Variants in AGBL4 observed in about 807,000 individuals in gnomAD.
AGBL4 encodes cytosolic carboxypeptidase 6.
A neutral mutation model predicts 66.4 loss-of-function variants in AGBL4; 58 were observed. The observed-to-expected ratio is 0.87, with a 90% CI of 0.71 to 1.09. AGBL4 has a LOEUF of 1.09. Ranked by LOEUF, AGBL4 falls within the 50% of genes least tolerant of loss-of-function variation. The pLI is 0.00. For synonymous variants in AGBL4, 234 were observed against 222.9 expected (o/e 1.05, Z -0.44); for missense variants, 579 against 631.0 (o/e 0.92, Z 0.88).
At chr1:49,484,476 T>A (rs1647022129) in intron 3 of AGBL4, among the ~76,000 whole-genome samples, 1 of 151,976 alleles carries the variant, frequency 6.6e-6, no homozygotes, top group Admixed American at 6.6e-5. Flanking sequence ...GAGATCATTA[T>A]GTTAAGTGAA....
intron 3 of AGBL4, among the ~76,000 whole-genome samples, chr1:49,282,664 G>T (rs527314643): frequency 6.6e-6 from 1 of 152,186 alleles, no homozygotes; most frequent in African/African-American, 2.4e-5. Context: ...GTAGGTGCTC[G>T]CACCGTGCGC....
At chr1:49,437,168 C>T (rs142303477) in intron 3 of AGBL4, among the ~76,000 whole-genome samples, 1 of 152,214 alleles carries the variant, frequency 6.6e-6, no homozygotes, top group African/African-American at 2.4e-5. Context: ...ATCTACCCTG[C>T]TTTTTTCCAT....
intron 5 of AGBL4, among the ~76,000 whole-genome samples, chr1:49,036,724 ATTTTT>A (rs35463441): frequency 4.3e-5 from 6 of 139,368 alleles, no homozygotes; most frequent in Non-Finnish European, 6.2e-5. Flanking sequence ...TGCTCAGCTA[ATTTTT>A]TTTTTTTTTT....
chr1:49,271,269 C>T (rs546878504), intron 3 of AGBL4, among the ~76,000 whole-genome samples: 1 of 152,168 alleles, frequency 6.6e-6, no homozygotes, highest in South Asian at 2.1e-4. Context: ...GAAGCTGAGA[C>T]CCCAGAAAAT....
At chr1:49,610,368 G>A (rs1331367418) in intron 3 of AGBL4, among the ~76,000 whole-genome samples, 1 of 152,110 alleles carries the variant, frequency 6.6e-6, no homozygotes, top group Non-Finnish European at 1.5e-5. Flanking sequence ...CTCAAACGTA[G>A]ACTTTTCAGA....
At chr1:49,926,767 T>TC (rs908353916) in intron 1 of AGBL4, among the ~76,000 whole-genome samples, 24 of 152,138 alleles carry the variant, frequency 1.6e-4, no homozygotes, top group Non-Finnish European at 7.4e-5. Context: ...GAAGAATGCA[T>TC]CTGGGTCTCT....
intron 3 of AGBL4, among the ~76,000 whole-genome samples, chr1:49,590,622 C>T (rs1385709265): frequency 6.6e-6 from 1 of 151,924 alleles, no homozygotes; most frequent in Non-Finnish European, 1.5e-5. Flanking sequence ...AAAATGAATA[C>T]ATAGAAAAAT....
intron 6 of AGBL4, among the ~76,000 whole-genome samples, chr1:48,768,524 G>A (rs1352871213): frequency 6.6e-6 from 1 of 152,132 alleles, no homozygotes; most frequent in Non-Finnish European, 1.5e-5. Context: ...ATAGGCAAAT[G>A]GTGTTTTAGA....
chr1:49,900,518 T>A (rs1557561728), intron 1 of AGBL4, among the ~76,000 whole-genome samples: 1 of 152,206 alleles, frequency 6.6e-6, no homozygotes, highest in East Asian at 1.9e-4. Context: ...GTGCTGGGAT[T>A]ACAGGCATGA....
chr1:48,715,462 C>T lies in AGBL4; in HGVS notation c.635-52221G>A, dbSNP rs546729594. Among the ~76,000 whole-genome samples, 4 of 152,332 alleles carry T rather than the reference C, an allele frequency of 2.6e-5. No individual in the cohort carries two copies. In the South Asian group the frequency reaches 8.3e-4, roughly 32 times the overall value. On this transcript the variant is annotated intron_variant, in intron 6 of 13. Coordinates refer to ENST00000371839, the MANE Select transcript of AGBL4 (RefSeq NM_032785.4). ...TGCGTTGGGATGCATCTGTCACTTC[C>T]CCCTGCCCTGTGCCCACGAGCTCTT...
intron 3 of AGBL4, among the ~76,000 whole-genome samples, chr1:49,602,336 A>G (rs1228417651): frequency 6.6e-6 from 1 of 152,172 alleles, no homozygotes; most frequent in Non-Finnish European, 1.5e-5. Context: ...CAGCGATCAC[A>G]TCACTGGGTA....
intron 2 of AGBL4, among the ~76,000 whole-genome samples, chr1:49,805,072 G>A (rs1644946865): frequency 6.6e-6 from 1 of 152,218 alleles, no homozygotes; most frequent in African/African-American, 2.4e-5. Flanking sequence ...CAAGAACTGA[G>A]CCCTGAAACA....
intron 6 of AGBL4, among the ~76,000 whole-genome samples, chr1:48,692,661 T>C (rs1646651862): frequency 6.6e-6 from 1 of 152,210 alleles, no homozygotes; most frequent in African/African-American, 2.4e-5. Flanking sequence ...TCAGTCAGCT[T>C]GTCTATACAG....
intron 3 of AGBL4, among the ~76,000 whole-genome samples, chr1:49,479,631 G>A (rs1191708249): frequency 6.6e-6 from 1 of 151,622 alleles, no homozygotes. Flanking sequence ...CAAAGGACAC[G>A]ATCTCTTTCT....
At chr1:49,073,138 A>C (rs1204646190) in intron 4 of AGBL4, among the ~76,000 whole-genome samples, 1 of 151,984 alleles carries the variant, frequency 6.6e-6, no homozygotes, top group Non-Finnish European at 1.5e-5. Context: ...TCTAGTTAGC[A>C]ATTCATCTAA....
chr1:49,945,633 G>A (rs1655137390), intron 1 of AGBL4, among the ~76,000 whole-genome samples: 1 of 151,854 alleles, frequency 6.6e-6, no homozygotes, highest in African/African-American at 2.4e-5. Flanking sequence ...AAATCACACA[G>A]AACTTATAAA....
chr1:48,981,493 A>G (rs1659765440), intron 5 of AGBL4, among the ~76,000 whole-genome samples: 2 of 152,190 alleles, frequency 1.3e-5, no homozygotes, highest in Admixed American at 6.5e-5. Flanking sequence ...TTCAATAGTG[A>G]GTGCCATAGC....
intron 4 of AGBL4, among the ~76,000 whole-genome samples, chr1:49,106,779 T>C (rs1269162358): frequency 2.0e-5 from 3 of 152,210 alleles, no homozygotes; most frequent in African/African-American, 7.2e-5. Flanking sequence ...TCAACTATCC[T>C]TTAAATTCTA....
chr1:49,585,260 C>T (rs1020937154), intron 3 of AGBL4, among the ~76,000 whole-genome samples: 3 of 152,130 alleles, frequency 2.0e-5, no homozygotes, highest in Non-Finnish European at 2.9e-5. Flanking sequence ...GCTCTTACAA[C>T]ATAATATGAC....
Sources: allele counts gnomAD v4.1 joint callset (sites outside exome capture counted in the v4.1 genomes callset), GRCh38; gene constraint gnomAD v4.1.1; transcripts MANE v1.5; gene names NCBI Gene and HGNC (gene_info 2026-07-23, HGNC 2026-07-21).